ANGPT1: variants seen among roughly 807,000 people sequenced by gnomAD.
ANGPT1 encodes the protein angiopoietin-1.
A neutral mutation model predicts 62.2 loss-of-function variants in ANGPT1; 17 were observed. The observed-to-expected ratio is 0.27, with a 90% CI of 0.19 to 0.41. ANGPT1 has a LOEUF of 0.41. ANGPT1 is among the 10% of genes least tolerant of loss of function. The pLI is 1.00. For missense variants in ANGPT1, 478 were observed against 594.9 expected, an observed-to-expected ratio of 0.80 and a Z score of 2.04; for synonymous variants, 199 against 198.9, an observed-to-expected ratio of 1.00 and a Z score of 0.00.
At chr8:107,468,509 T>A (rs1228871613) in intron 1 of ANGPT1, among the ~76,000 whole-genome samples, 1 of 152,042 alleles carries the variant, frequency 6.6e-6, no homozygotes, top group East Asian at 1.9e-4. Context: ...GGATTTCTTA[T>A]TTTTTAAGGC....
chr8:107,315,642 CT>C (rs201830575), intron 4 of ANGPT1, among the ~76,000 whole-genome samples: 28 of 151,952 alleles, frequency 1.8e-4, no homozygotes, highest in Non-Finnish European at 3.5e-4. Context: ...CTTTCGGTCT[CT>C]TTTTTTTAAC....
chr8:107,275,795 T>C (rs1813850094), intron 7 of ANGPT1, among the ~76,000 whole-genome samples: 1 of 152,138 alleles, frequency 6.6e-6, no homozygotes, highest in Non-Finnish European at 1.5e-5. Flanking sequence ...GACATCACCT[T>C]AGATAATTTA....
At chr8:107,284,937 A>T in intron 6 of ANGPT1, 89 bp from the exon 7 acceptor site, 3 of 1,035,472 alleles carry the variant, frequency 2.9e-6, no homozygotes, top group Non-Finnish European at 3.8e-6. Context: ...TAATAATTAA[A>T]AATTATTAAA....
At chr8:107,348,908 T>C (rs76036585) in intron 1 of ANGPT1, among the ~76,000 whole-genome samples, 6,371 of 152,180 alleles carry the variant, frequency 0.042, 358 homozygotes, top group African/African-American at 0.13. Flanking sequence ...GCTTCATAGG[T>C]GTGAATTGTT....
chr8:107,300,794 C>T (rs1814568547), intron 5 of ANGPT1, among the ~76,000 whole-genome samples: 1 of 151,830 alleles, frequency 6.6e-6, no homozygotes, highest in African/African-American at 2.4e-5. Context: ...TAAGAAAACC[C>T]AAAAACTCCA....
At chr8:107,323,253 T>C (rs1367268600) in intron 3 of ANGPT1, among the ~76,000 whole-genome samples, 1 of 152,182 alleles carries the variant, frequency 6.6e-6, no homozygotes, top group Non-Finnish European at 1.5e-5. Flanking sequence ...GAGTGTCTAA[T>C]ATACTAGTTT....
chr8:107,472,429 G>C (rs1812385992), intron 1 of ANGPT1, among the ~76,000 whole-genome samples: 1 of 151,982 alleles, frequency 6.6e-6, no homozygotes, highest in Admixed American at 6.6e-5. Context: ...CTGCATAGGA[G>C]GTTTTTTCAC....
At chr8:107,422,824 G>A (rs1021613955) in intron 1 of ANGPT1, among the ~76,000 whole-genome samples, 1 of 151,980 alleles carries the variant, frequency 6.6e-6, no homozygotes, top group Non-Finnish European at 1.5e-5. Context: ...TAATAATAAT[G>A]GTTTTACTCA....
chr8:107,342,904 CA>C (rs1160697099), intron 2 of ANGPT1, among the ~76,000 whole-genome samples: 1 of 151,628 alleles, frequency 6.6e-6, no homozygotes, highest in East Asian at 1.9e-4. Context: ...GGTGTGATCA[CA>C]GCTCATTGTA....
chr8:107,456,352 T>G (rs1177507742), intron 1 of ANGPT1, among the ~76,000 whole-genome samples: 4 of 152,074 alleles, frequency 2.6e-5, no homozygotes, highest in Non-Finnish European at 5.9e-5. Flanking sequence ...TCAGTGGTAT[T>G]CTGGGTTCAA....
intron 6 of ANGPT1, among the ~76,000 whole-genome samples, chr8:107,288,131 C>A (rs185981502): frequency 2.1e-3 from 324 of 152,204 alleles, no homozygotes; most frequent in African/African-American, 7.4e-3. Flanking sequence ...ATTTAAAAGG[C>A]TCTCAGAGGA....
chr8:107,267,373 TGGTATA>T (rs1813638092), intron 7 of ANGPT1, among the ~76,000 whole-genome samples: 1 of 152,120 alleles, frequency 6.6e-6, no homozygotes, highest in Admixed American at 6.6e-5. Context: ...ATATGTGTGC[TGGTATA>T]GGTATAGGTA....
At chr8:107,378,601 C>T (rs899492304) in intron 1 of ANGPT1, among the ~76,000 whole-genome samples, 5 of 152,034 alleles carry the variant, frequency 3.3e-5, no homozygotes, top group Non-Finnish European at 1.5e-5. Context: ...AACTGTAATC[C>T]CCATGTTTGG....
chr8:107,387,367 T>C (rs560955041), intron 1 of ANGPT1, among the ~76,000 whole-genome samples: 25 of 152,218 alleles, frequency 1.6e-4, no homozygotes, highest in Non-Finnish European at 3.2e-4. Context: ...CTTTTGTGCC[T>C]ATTGTTAAAG....
chr8:107,277,068 A>G (rs1184507482), intron 7 of ANGPT1, among the ~76,000 whole-genome samples: 1 of 152,204 alleles, frequency 6.6e-6, no homozygotes, highest in African/African-American at 2.4e-5. Flanking sequence ...ATTATAAATT[A>G]TGTAGTAAGA....
intron 1 of ANGPT1, among the ~76,000 whole-genome samples, chr8:107,446,589 C>A (rs990814489): frequency 1.3e-5 from 2 of 152,078 alleles, no homozygotes; most frequent in Non-Finnish European, 2.9e-5. Context: ...AGATTTTGAA[C>A]CTCTATATTA....
At chr8:107,317,391 C>A (rs1815038876) in intron 4 of ANGPT1, among the ~76,000 whole-genome samples, 1 of 152,190 alleles carries the variant, frequency 6.6e-6, no homozygotes, top group Non-Finnish European at 1.5e-5. Context: ...CCACATCCTG[C>A]TACAGCAGAA....
At chr8:107,460,016 G>T (rs879647399) in intron 1 of ANGPT1, among the ~76,000 whole-genome samples, 1 of 152,096 alleles carries the variant, frequency 6.6e-6, no homozygotes, top group Non-Finnish European at 1.5e-5. Context: ...ATGAAAACAC[G>T]CTGAAAGCAT....
At chr8:107,495,430 T>C (rs1813066969) in intron 1 of ANGPT1, among the ~76,000 whole-genome samples, 1 of 152,182 alleles carries the variant, frequency 6.6e-6, no homozygotes, top group African/African-American at 2.4e-5. Context: ...AATTAACATA[T>C]GAAACACGTG....
Sources: allele counts gnomAD v4.1 joint callset (sites outside exome capture counted in the v4.1 genomes callset), GRCh38; gene constraint gnomAD v4.1.1; transcripts MANE v1.5; gene names NCBI Gene and HGNC (gene_info 2026-07-23, HGNC 2026-07-21).